The following CLHC1 variants were observed in gnomAD, a reference collection of about 807,000 sequenced individuals.
The protein encoded by CLHC1 is clathrin heavy chain linker domain containing 1.
A neutral mutation model predicts 69.5 loss-of-function variants in CLHC1; 72 were observed. That is an observed-to-expected ratio of 1.04 (90% CI 0.86 to 1.26). The LOEUF (loss-of-function observed/expected upper bound fraction) is 1.26, where lower values mean the gene tolerates loss of function less well. CLHC1 is among the 50% of genes most tolerant of loss of function. The probability of loss-of-function intolerance (pLI) is 0.00; values close to 1 mark genes in which losing one functional copy is unlikely to be tolerated. For missense variants in CLHC1, 790 were observed against 679.3 expected, an observed-to-expected ratio of 1.16 and a Z score of -1.81; for synonymous variants, 223 against 224.3, an observed-to-expected ratio of 0.99 and a Z score of 0.05.
chr2:55,209,481 C>A lies in CLHC1; in HGVS notation c.737G>T (p.Ser246Ile), dbSNP rs746284449. The stretch of plus-strand genomic sequence containing the variant: ...GCTCATATCAGATTTTACCCATGAA[C>A]TAAGTGCCTGTGAAATTATCTGCAG... Reference protein sequence around the residue: ...QRLQIISQALSSWVKSDMSSP... With the variant: ...QRLQIISQALISWVKSDMSSP... Residue 246 changes from serine to isoleucine, a missense_variant, in exon 7 of 13, where the codon AGT becomes ATT. Coordinates refer to ENST00000401408, the MANE Select transcript of CLHC1 (RefSeq NM_152385.4). 1.2e-6 allele frequency: 2 copies of A among 1,611,860 alleles called. No individual in the cohort carries two copies. Among genetic ancestry groups the A allele is most frequent in the Non-Finnish European group, 1.7e-6 (2 of 1,179,368 alleles).
intron 4 of CLHC1, chr2:55,215,999 G>T (rs1673453627): frequency 6.6e-6 from 1 of 151,970 alleles, no homozygotes; most frequent in South Asian, 2.1e-4. Flanking sequence ...AAAAGGCCGG[G>T]CACGGTGGCT....
intron 5 of CLHC1, among the ~76,000 whole-genome samples, chr2:55,210,806 A>G (rs1156873049): frequency 2.0e-5 from 3 of 152,102 alleles, no homozygotes; most frequent in Non-Finnish European, 4.4e-5. Context: ...CCGTCTACTT[A>G]TTATTCATAA....
In CLHC1 at chr2:55,184,919, AACACAC is replaced by A. The variant is rs561837633; in HGVS notation, c.1007-3181_1007-3176del. Among the ~76,000 whole-genome samples, 432 of 126,086 alleles carry A rather than the reference AACACAC, an allele frequency of 3.4e-3. 1 individual carries two copies. Among genetic ancestry groups the A allele is most frequent in the East Asian group, 0.012 (53 of 4,370 alleles). The allele number at this position is 126,086 out of a possible 152,430, so 82.7% of individuals were successfully genotyped here. A position where few individuals can be genotyped will look rare whatever the true frequency, so the allele number is the denominator to read the frequency against. ...GACTCCATCTCAAAAAAAAAAACAA[AACACAC>A]ACACACACACACACACACACACACA... On this transcript the variant is annotated intron_variant, in intron 9 of 12. Transcript: ENST00000401408.
intron 9 of CLHC1, among the ~76,000 whole-genome samples, chr2:55,189,459 G>C (rs1002193037): frequency 6.6e-6 from 1 of 152,222 alleles, no homozygotes; most frequent in Admixed American, 6.5e-5. Context: ...ACATAAGGCA[G>C]TGAAGGATAG....
chr2:55,214,097 G>T (rs975178626), intron 4 of CLHC1, among the ~76,000 whole-genome samples: 4 of 152,198 alleles, frequency 2.6e-5, no homozygotes, highest in African/African-American at 9.7e-5. Flanking sequence ...GTGCAGAGAT[G>T]AATGTGGAAG....
intron 9 of CLHC1, among the ~76,000 whole-genome samples, chr2:55,201,162 A>T (rs1671908170): frequency 6.6e-6 from 1 of 152,072 alleles, no homozygotes; most frequent in Non-Finnish European, 1.5e-5. Context: ...AAGTTTTTAG[A>T]TGAAAAGAAA....
At chr2:55,221,987 A>C (rs1272709708) in intron 3 of CLHC1, among the ~76,000 whole-genome samples, 1 of 152,224 alleles carries the variant, frequency 6.6e-6, no homozygotes, top group African/African-American at 2.4e-5. Context: ...TAAAAAATAT[A>C]TAAAGGAAAC....
chr2:55,192,190 GCT>G (rs1423389258), intron 9 of CLHC1, among the ~76,000 whole-genome samples: 1 of 152,016 alleles, frequency 6.6e-6, no homozygotes, highest in Non-Finnish European at 1.5e-5. Flanking sequence ...TGTGATCTTG[GCT>G]CACTGCAACC....
At chr2:55,224,410 C>T in intron 2 of CLHC1, 1 of 433,454 alleles carries the variant, frequency 2.3e-6, no homozygotes, top group Non-Finnish European at 4.7e-6. Flanking sequence ...TGGAGGAAAG[C>T]TATGTCACAA....
intron 2 of CLHC1, among the ~76,000 whole-genome samples, chr2:55,226,074 C>T (rs528313123): frequency 2.0e-5 from 3 of 152,028 alleles, no homozygotes; most frequent in African/African-American, 7.2e-5. Context: ...CGCCTGTAGT[C>T]CCAGCTACTC....
chr2:55,227,094 G>A (rs1674780123), intron 2 of CLHC1, among the ~76,000 whole-genome samples: 1 of 152,178 alleles, frequency 6.6e-6, no homozygotes, highest in South Asian at 2.1e-4. Context: ...AAATAATTCT[G>A]AAGATTAAAA....
chr2:55,224,705 G>A (rs1674523062), intron 2 of CLHC1: 1 of 269,066 alleles, frequency 3.7e-6, no homozygotes, highest in East Asian at 9.7e-5. Flanking sequence ...CTGGAAAGGA[G>A]TGCAGTTTAT....
At chr2:55,196,267 G>T (rs1226031987) in intron 9 of CLHC1, among the ~76,000 whole-genome samples, 1 of 152,150 alleles carries the variant, frequency 6.6e-6, no homozygotes, top group Non-Finnish European at 1.5e-5. Flanking sequence ...GCACCACAAG[G>T]ACTGCAACTC....
intron 2 of CLHC1, among the ~76,000 whole-genome samples, chr2:55,226,783 C>A (rs1674751733): frequency 6.6e-6 from 1 of 152,208 alleles, no homozygotes; most frequent in African/African-American, 2.4e-5. Flanking sequence ...AGGTGCAGGG[C>A]ACCATGTCTG....
intron 8 of CLHC1, chr2:55,207,016 G>A (rs1407731122): frequency 6.6e-6 from 1 of 152,206 alleles, no homozygotes; most frequent in Admixed American, 6.6e-5. Context: ...TCAGGAGGCT[G>A]AAGCAGGAGA....
intron 9 of CLHC1, among the ~76,000 whole-genome samples, chr2:55,200,956 A>C (rs975088510): frequency 5.3e-5 from 8 of 152,318 alleles, no homozygotes; most frequent in Admixed American, 5.2e-4. Flanking sequence ...GAGATTAACA[A>C]GGAAATTTAG....
intron 9 of CLHC1, among the ~76,000 whole-genome samples, chr2:55,198,278 A>T (rs1324359899): frequency 6.6e-6 from 1 of 152,216 alleles, no homozygotes; most frequent in Admixed American, 6.5e-5. Context: ...GATGGGGTAG[A>T]AAGTTTATTC....
chr2:55,190,150 T>C (rs1037545418), intron 9 of CLHC1, among the ~76,000 whole-genome samples: 2 of 152,066 alleles, frequency 1.3e-5, no homozygotes, highest in African/African-American at 2.4e-5. Context: ...GTTCACGCCA[T>C]TCTCCTGCCT....
At chr2:55,190,312 G>A (rs1670800451) in intron 9 of CLHC1, among the ~76,000 whole-genome samples, 1 of 152,108 alleles carries the variant, frequency 6.6e-6, no homozygotes, top group African/African-American at 2.4e-5. Flanking sequence ...CTCCCAAAGT[G>A]CTGGGATTAC....
Sources: allele counts gnomAD v4.1 joint callset (sites outside exome capture counted in the v4.1 genomes callset), GRCh38; gene constraint gnomAD v4.1.1; transcripts MANE v1.5; gene names NCBI Gene and HGNC (gene_info 2026-07-23, HGNC 2026-07-21).